Variants in STXBP5L observed in about 807,000 individuals in gnomAD.
The protein encoded by STXBP5L is syntaxin binding protein 5L.
A neutral mutation model predicts 144.5 loss-of-function variants in STXBP5L; 65 were observed. That is an observed-to-expected ratio of 0.45 (90% CI 0.37 to 0.55). STXBP5L has a LOEUF of 0.55. Among genes scored for constraint, STXBP5L ranks in the 20% least tolerant of loss-of-function variants. STXBP5L has a pLI of 0.00. For synonymous variants in STXBP5L, 505 were observed against 469.6 expected (o/e 1.08, Z -0.97); for missense variants, 1,298 against 1,405.5 (o/e 0.92, Z 1.22).
chr3:121,128,418 G>A (rs1300428143), intron 7 of STXBP5L, among the ~76,000 whole-genome samples: 2 of 152,088 alleles, frequency 1.3e-5, no homozygotes, highest in African/African-American at 4.8e-5. Flanking sequence ...TTTTGACTGT[G>A]TTCCCTAGGA....
intron 3 of STXBP5L, among the ~76,000 whole-genome samples, chr3:120,971,530 G>A (rs944214550): frequency 1.3e-5 from 2 of 151,632 alleles, no homozygotes; most frequent in Admixed American, 1.3e-4. Context: ...CTATTTCTGA[G>A]TCATTTCACA....
intron 5 of STXBP5L, among the ~76,000 whole-genome samples, chr3:121,111,087 A>T (rs967172920): frequency 1.3e-5 from 2 of 152,176 alleles, no homozygotes; most frequent in Admixed American, 1.3e-4. Context: ...CAGCTCCATC[A>T]GGTCATTTAT....
At chr3:120,921,045 AC>A (rs1014888293) in intron 2 of STXBP5L, among the ~76,000 whole-genome samples, 8 of 151,608 alleles carry the variant, frequency 5.3e-5, no homozygotes, top group African/African-American at 1.9e-4. Flanking sequence ...GTTTTGAGGA[AC>A]CTCCATACAG....
At chr3:121,221,847 A>G (rs924802382) in intron 10 of STXBP5L, among the ~76,000 whole-genome samples, 2 of 151,842 alleles carry the variant, frequency 1.3e-5, no homozygotes, top group Admixed American at 1.3e-4. Flanking sequence ...CACACATTTT[A>G]TATGTATGTT....
chr3:121,361,604 G>C (rs1264643655), intron 20 of STXBP5L, among the ~76,000 whole-genome samples: 2 of 151,640 alleles, frequency 1.3e-5, no homozygotes, highest in Non-Finnish European at 2.9e-5. Flanking sequence ...TATGCCAGTT[G>C]CATTTTTCAG....
Position 120,998,578 on chromosome 3 carries a change from T to C in STXBP5L, c.288-43122T>C, listed in dbSNP as rs556990409. On this transcript the variant is annotated intron_variant, in intron 3 of 26. Coordinates refer to ENST00000471454, the MANE Select transcript of STXBP5L (RefSeq NM_001308330.2). Reference sequence around the variant, plus strand: ...CCCCAGTGTGTGATATTCCCCTGCCTGTGTCCATGTGTTCTTATTGTTCAA... The same window carrying C: ...CCCCAGTGTGTGATATTCCCCTGCCCGTGTCCATGTGTTCTTATTGTTCAA... 3.3e-5 allele frequency among the ~76,000 whole-genome samples: 5 copies of C among 152,274 alleles called. No homozygotes were observed. In the South Asian group the frequency reaches 1.0e-3, roughly 32 times the overall value.
chr3:121,364,415 T>C (rs1418848720), intron 20 of STXBP5L, among the ~76,000 whole-genome samples: 1 of 152,084 alleles, frequency 6.6e-6, no homozygotes, highest in Non-Finnish European at 1.5e-5. Context: ...TCTTTCAAAA[T>C]TATTTTGGCT....
chr3:121,075,214 C>T (rs1458817699), intron 5 of STXBP5L, among the ~76,000 whole-genome samples: 1 of 152,158 alleles, frequency 6.6e-6, no homozygotes, highest in African/African-American at 2.4e-5. Flanking sequence ...CTATCCTTTT[C>T]TCTCTCTGGA....
At chr3:121,137,799 T>C (rs2045329669) in intron 7 of STXBP5L, among the ~76,000 whole-genome samples, 1 of 152,112 alleles carries the variant, frequency 6.6e-6, no homozygotes, top group Non-Finnish European at 1.5e-5. Context: ...AGGGCCACAA[T>C]TGACAAGACC....
At chr3:121,304,926 A>G (rs1399208766) in intron 19 of STXBP5L, among the ~76,000 whole-genome samples, 1 of 152,058 alleles carries the variant, frequency 6.6e-6, no homozygotes, top group Non-Finnish European at 1.5e-5. Flanking sequence ...CAAAAATACT[A>G]TATAAAACCC....
intron 5 of STXBP5L, among the ~76,000 whole-genome samples, chr3:121,114,580 G>A (rs557024923): frequency 1.3e-5 from 2 of 151,982 alleles, no homozygotes; most frequent in Non-Finnish European, 2.9e-5. Flanking sequence ...TTAGAATCCC[G>A]GTTTTGCTGC....
chr3:121,141,108 G>A (rs112298675), intron 7 of STXBP5L, among the ~76,000 whole-genome samples: 2,511 of 152,194 alleles, frequency 0.016, 65 homozygotes, highest in African/African-American at 0.057. Context: ...ATAGCAGAAG[G>A]AAGTGTGAAA....
In STXBP5L at chr3:121,157,585, C is replaced by A. The variant is rs1473020440; in HGVS notation, c.835C>A (p.Leu279Met). Residue 279 changes from leucine to methionine, a missense_variant, in exon 9 of 27, where the codon CTG (leucine) becomes ATG (methionine). By Grantham distance (15) the Leu-to-Met change is conservative. Transcript: ENST00000471454. ...HSDGSLTLWN[L>M]KSPSRPFQTT... ...AGATGGTAGTTTGACTTTATGGAAC[C>A]TGAAAAGCCCAAGTCGCCCTTTCCA... The A allele has an allele frequency of 1.2e-6, 2 of 1,605,928 alleles. No individual in the cohort carries two copies. Among genetic ancestry groups the A allele is most frequent in the Admixed American group, 1.7e-5 (1 of 58,538 alleles).
chr3:121,259,685 T>TA (rs1179177302), intron 18 of STXBP5L, among the ~76,000 whole-genome samples: 1 of 152,138 alleles, frequency 6.6e-6, no homozygotes, highest in Admixed American at 6.6e-5. Context: ...TAAAATGTGT[T>TA]ACTTTAAATA....
At chr3:121,008,219 T>G (rs1182224418) in intron 3 of STXBP5L, among the ~76,000 whole-genome samples, 2 of 151,956 alleles carry the variant, frequency 1.3e-5, no homozygotes, top group African/African-American at 4.8e-5. Flanking sequence ...CCACTTTTAG[T>G]AGCAACAACT....
chr3:120,952,064 C>G (rs1033121403), intron 2 of STXBP5L, among the ~76,000 whole-genome samples: 2 of 150,044 alleles, frequency 1.3e-5, no homozygotes, highest in Admixed American at 1.3e-4. Context: ...AACAAAAAAC[C>G]AAACACCGCA....
intron 18 of STXBP5L, among the ~76,000 whole-genome samples, chr3:121,259,806 C>G (rs914019516): frequency 2.0e-5 from 3 of 149,518 alleles, no homozygotes; most frequent in Admixed American, 2.0e-4. Flanking sequence ...ATTAGTTGTT[C>G]CTGGTTTTTT....
intron 2 of STXBP5L, among the ~76,000 whole-genome samples, chr3:120,914,766 CACAGT>C (rs1408971283): frequency 1.3e-5 from 2 of 152,080 alleles, no homozygotes; most frequent in Non-Finnish European, 2.9e-5. Flanking sequence ...CACCAAAAAG[CACAGT>C]AGAGGCATCT....
At chr3:121,038,946 T>G (rs1946951553) in intron 3 of STXBP5L, among the ~76,000 whole-genome samples, 1 of 151,996 alleles carries the variant, frequency 6.6e-6, no homozygotes, top group Non-Finnish European at 1.5e-5. Context: ...TGTATAATTT[T>G]CTATGTTTTA....
Sources: gnomAD v4.1 joint callset for allele counts (sites outside exome capture counted in the v4.1 genomes callset) on GRCh38, gnomAD v4.1.1 for gene constraint, MANE v1.5 for transcripts, NCBI Gene and HGNC (gene_info 2026-07-23, HGNC 2026-07-21) for gene names.